KATNIP: variants seen among roughly 807,000 people sequenced by gnomAD.
KATNIP encodes katanin-interacting protein.
KATNIP carries 126 observed loss-of-function variants against 174.0 expected under a neutral mutation model. That is an observed-to-expected ratio of 0.72 (90% CI 0.63 to 0.84). The LOEUF (loss-of-function observed/expected upper bound fraction) is 0.84, where lower values mean the gene tolerates loss of function less well. Ranked by LOEUF, KATNIP falls within the 40% of genes least tolerant of loss-of-function variation. The pLI is 0.00. For synonymous variants in KATNIP, 810 were observed against 835.7 expected, an observed-to-expected ratio of 0.97 and a Z score of 0.53; for missense variants, 1,958 against 2,109.7, an observed-to-expected ratio of 0.93 and a Z score of 1.41.
chr16:27,631,544 A>G (rs1010520293), intron 5 of KATNIP, among the ~76,000 whole-genome samples: 1 of 131,572 alleles, frequency 7.6e-6, no homozygotes, highest in Non-Finnish European at 1.6e-5. Context: ...GAGCCTGTCT[A>G]AAAAAAAAAA....
intron 15 of KATNIP, among the ~76,000 whole-genome samples, chr16:27,741,701 G>A (rs915811631): frequency 8.5e-5 from 13 of 152,252 alleles, no homozygotes; most frequent in African/African-American, 2.9e-4. Flanking sequence ...CCAGGAGTTC[G>A]AGACCAGCCT....
chr16:27,680,719 G>A (rs954087044), intron 7 of KATNIP, among the ~76,000 whole-genome samples: 14 of 152,166 alleles, frequency 9.2e-5, no homozygotes, highest in Admixed American at 3.3e-4. Flanking sequence ...GGCGGGGAAC[G>A]AAGTCTTGCT....
Position 27,628,731 on chromosome 16 carries a change from G to T in KATNIP, c.211G>T (p.Val71Phe). ...RLEHLEQGFS[V>F]YVNGANSELK... ...GGAGCACTTGGAGCAAGGTTTCTCT[G>T]TCTATGTCAACGGTGCCAATTCGGA... The change falls in exon 4 of 28, where the codon GTC becomes TTC. Residue 71 changes from valine (V) to phenylalanine (F), a missense_variant. Coordinates refer to ENST00000261588, the MANE Select transcript of KATNIP (RefSeq NM_015202.5). 6.2e-7 allele frequency: 1 copy of T among 1,614,212 alleles called. No homozygotes were observed. The highest frequency in any genetic ancestry group is 8.5e-7 in the Non-Finnish European group (1 of 1,180,044).
At chr16:27,596,420 A>G (rs184396281) in intron 2 of KATNIP, among the ~76,000 whole-genome samples, 2 of 152,296 alleles carry the variant, frequency 1.3e-5, no homozygotes, top group Admixed American at 6.5e-5. Context: ...TAGGGGGAAC[A>G]TCAGGAATTC....
At chr16:27,698,599 T>C (rs1283224591) in intron 9 of KATNIP, 99 bp downstream of exon 9, 2 of 1,245,832 alleles carry the variant, frequency 1.6e-6, no homozygotes, top group African/African-American at 1.5e-5. Context: ...GAGAGAGGTG[T>C]AGTGGGCATC....
intron 17 of KATNIP, 98 bp from the exon 18 acceptor site, chr16:27,754,075 G>A: frequency 2.1e-6 from 2 of 946,200 alleles, no homozygotes; most frequent in East Asian, 4.8e-5. Flanking sequence ...CCTGGGCATA[G>A]GGTGGGCAGT....
intron 6 of KATNIP, among the ~76,000 whole-genome samples, chr16:27,661,927 T>TACAC (rs1236146252): frequency 1.8e-5 from 1 of 54,970 alleles, no homozygotes; most frequent in Non-Finnish European, 3.3e-5. Flanking sequence ...TATATATATA[T>TACAC]ATATATATAT....
At chr16:27,592,873 C>G (rs763307555) in intron 2 of KATNIP, among the ~76,000 whole-genome samples, 4 of 152,102 alleles carry the variant, frequency 2.6e-5, no homozygotes, top group Non-Finnish European at 5.9e-5. Context: ...TTATTTCTTA[C>G]AGCAGCTCTA....
chr16:27,550,160 C>T lies in KATNIP; in HGVS notation c.-11C>T, dbSNP rs200374540. 7.5e-5 allele frequency: 121 copies of T among 1,612,606 alleles called. 2 individuals carry two copies. The Admixed American group carries it at 1.1e-3, about 14-fold the overall frequency. On this transcript the variant is annotated 5_prime_UTR_variant, in exon 1 of 28. Coordinates refer to ENST00000261588, the MANE Select transcript of KATNIP (RefSeq NM_015202.5). ...TTCCGGTTCGAGCTCCCGGAACCGCCGCCTCTAGGGATGGACGGTGAGTGT... is the reference window on the plus strand; with the variant it reads ...TTCCGGTTCGAGCTCCCGGAACCGCTGCCTCTAGGGATGGACGGTGAGTGT...
intron 15 of KATNIP, among the ~76,000 whole-genome samples, chr16:27,748,895 G>A (rs2081387491): frequency 6.6e-6 from 1 of 152,020 alleles, no homozygotes; most frequent in Admixed American, 6.5e-5. Flanking sequence ...CAGAAACCAG[G>A]AACAACACTG....
chr16:27,647,017 C>T (rs1312758414), intron 5 of KATNIP, among the ~76,000 whole-genome samples: 1 of 151,778 alleles, frequency 6.6e-6, no homozygotes, highest in Non-Finnish European at 1.5e-5. Flanking sequence ...CTCCCTCCCA[C>T]CCACAGCTTG....
intron 18 of KATNIP, 111 bp downstream of exon 18, chr16:27,754,362 C>A: frequency 2.2e-6 from 2 of 889,972 alleles, no homozygotes; most frequent in Non-Finnish European, 3.6e-6. Flanking sequence ...GGGTTGGACA[C>A]TGTACAGAGA....
At chr16:27,615,876 TAAG>T (rs1198209969) in intron 2 of KATNIP, among the ~76,000 whole-genome samples, 1 of 152,200 alleles carries the variant, frequency 6.6e-6, no homozygotes, top group Non-Finnish European at 1.5e-5. Flanking sequence ...TTTGAGAAGT[TAAG>T]AAGAGAATAG....
chr16:27,554,433 G>A (rs1280464577), intron 1 of KATNIP, among the ~76,000 whole-genome samples: 3 of 151,774 alleles, frequency 2.0e-5, no homozygotes, highest in Non-Finnish European at 4.4e-5. Flanking sequence ...CCACTGTATT[G>A]CAGCCTGGGC....
chr16:27,551,388 T>C (rs571974011), intron 1 of KATNIP, among the ~76,000 whole-genome samples: 1 of 152,328 alleles, frequency 6.6e-6, no homozygotes, highest in East Asian at 1.9e-4. Context: ...TTAGAGGTAC[T>C]ATAAAATGTG....
intron 2 of KATNIP, among the ~76,000 whole-genome samples, chr16:27,581,494 G>A (rs1423455714): frequency 2.0e-5 from 3 of 152,136 alleles, no homozygotes; most frequent in Non-Finnish European, 2.9e-5. Flanking sequence ...GACCCATTCA[G>A]TGACCACTCC....
chr16:27,583,156 A>G (rs907617520), intron 2 of KATNIP, among the ~76,000 whole-genome samples: 1 of 152,210 alleles, frequency 6.6e-6, no homozygotes, highest in Non-Finnish European at 1.5e-5. Context: ...AAGGAGATTG[A>G]CATGTCTAAA....
intron 2 of KATNIP, among the ~76,000 whole-genome samples, chr16:27,576,602 C>T (rs2090505140): frequency 6.6e-6 from 1 of 151,948 alleles, no homozygotes; most frequent in African/African-American, 2.4e-5. Context: ...GTGGTAAAAT[C>T]CCACCTCTAC....
chr16:27,571,125 G>A (rs1401069190), intron 1 of KATNIP, among the ~76,000 whole-genome samples: 5 of 152,012 alleles, frequency 3.3e-5, no homozygotes, highest in South Asian at 4.1e-4. Flanking sequence ...TTCTGCCTCC[G>A]AGGTTCAGGT....
Sources: allele counts gnomAD v4.1 joint callset (sites outside exome capture counted in the v4.1 genomes callset), GRCh38; gene constraint gnomAD v4.1.1; transcripts MANE v1.5; gene names NCBI Gene and HGNC (gene_info 2026-07-23, HGNC 2026-07-21).